The following KIAA1217 variants were observed in gnomAD, a reference collection of about 807,000 sequenced individuals.
KIAA1217 encodes the protein sickle tail protein homolog.
Under a neutral mutation model 163.9 loss-of-function variants are expected in KIAA1217, and 88 were observed. That is an observed-to-expected ratio of 0.54 (90% CI 0.45 to 0.64). KIAA1217 has a LOEUF of 0.64. Among genes scored for constraint, KIAA1217 ranks in the 30% least tolerant of loss-of-function variants. The pLI is 0.00. For missense variants in KIAA1217, 2,372 were observed against 2,475.0 expected (o/e 0.96, Z 0.88); for synonymous variants, 903 against 923.1 (o/e 0.98, Z 0.39).
At chr10:23,717,261 T>G (rs1837626167) in intron 1 of KIAA1217, among the ~76,000 whole-genome samples, 1 of 152,132 alleles carries the variant, frequency 6.6e-6, no homozygotes, top group Non-Finnish European at 1.5e-5. Flanking sequence ...TAGGTTGAAT[T>G]CCGCTTTTAG....
At chr10:24,458,444 A>G (rs749100571) in intron 5 of KIAA1217, among the ~76,000 whole-genome samples, 1 of 152,174 alleles carries the variant, frequency 6.6e-6, no homozygotes, top group South Asian at 2.1e-4. Flanking sequence ...GCAACACTCA[A>G]TACAGATGGA....
chr10:24,103,748 AC>A (rs1424391751), intron 2 of KIAA1217, among the ~76,000 whole-genome samples: 1 of 152,222 alleles, frequency 6.6e-6, no homozygotes, highest in Non-Finnish European at 1.5e-5. Flanking sequence ...CCAAATGCTG[AC>A]AAGGAAATGG....
Position 24,543,529 on chromosome 10 carries a change from A to G in KIAA1217, c.4259A>G (p.Lys1420Arg), listed in dbSNP as rs1191661380. 3.1e-6 allele frequency: 5 copies of G among 1,614,032 alleles called. No homozygotes were observed. The African/African-American group carries it at 6.7e-5, about 22-fold the overall frequency. ...DIQTVNIDAR[K>R]EMTPRQEGTD... ...CAGACGGTTAATATCGATGCCAGAAAAGAGATGACCCCCCGACAAGAAGGG... is the reference window on the plus strand; with the variant it reads ...CAGACGGTTAATATCGATGCCAGAAGAGAGATGACCCCCCGACAAGAAGGG... Residue 1420 changes from lysine to arginine, a missense_variant, in exon 19 of 21, where the codon AAA (lysine) becomes AGA (arginine). Around this residue, in one of 3 missense-constraint regions of KIAA1217, gnomAD observed 690 missense variants for 677.5 expected, o/e 1.02. Transcript: ENST00000376454.
At chr10:23,925,912 C>T (rs12255486) in intron 1 of KIAA1217, among the ~76,000 whole-genome samples, 7,561 of 152,178 alleles carry the variant, frequency 0.05, 603 homozygotes, top group African/African-American at 0.17. Context: ...AAATGGGTGT[C>T]AAAACAGCAC....
intron 1 of KIAA1217, among the ~76,000 whole-genome samples, chr10:23,857,152 G>C (rs943347290): frequency 7.2e-5 from 11 of 152,212 alleles, no homozygotes. Flanking sequence ...CGGCCATCTT[G>C]GCGCTCTCTC....
intron 2 of KIAA1217, among the ~76,000 whole-genome samples, chr10:24,093,806 C>G (rs539490409): frequency 4.0e-4 from 46 of 114,410 alleles, no homozygotes; most frequent in Middle Eastern, 5.6e-3. Flanking sequence ...CCCCCTCCCC[C>G]CACCCCACAA....
chr10:24,488,676 C>T (rs1328971468), intron 6 of KIAA1217, among the ~76,000 whole-genome samples: 1 of 152,168 alleles, frequency 6.6e-6, no homozygotes, highest in Non-Finnish European at 1.5e-5. Context: ...CAAATTCAGA[C>T]AATTTAAATT....
intron 2 of KIAA1217, among the ~76,000 whole-genome samples, chr10:24,055,116 A>G (rs1286834850): frequency 6.6e-6 from 1 of 152,050 alleles, no homozygotes; most frequent in Non-Finnish European, 1.5e-5. Context: ...AAAAGAAAAA[A>G]AATTGCCAGG....
At chr10:23,708,803 CT>C (rs1837051872) in intron 1 of KIAA1217, among the ~76,000 whole-genome samples, 1 of 152,114 alleles carries the variant, frequency 6.6e-6, no homozygotes, top group African/African-American at 2.4e-5. Context: ...GAAGATGACT[CT>C]TCCTAGTTCA....
rs761601784 is a variant in KIAA1217, at chr10:24,545,034, G to C, written c.5265G>C (p.Lys1755Asn). The C allele has an allele frequency of 6.2e-7, 1 of 1,614,088 alleles. No homozygotes were observed. Among genetic ancestry groups the C allele is most frequent in the South Asian group, 1.1e-5 (1 of 91,088 alleles). The change falls in exon 20 of 21, where the codon AAG becomes AAC. Residue 1755 changes from lysine to asparagine, a missense_variant. This residue lies in a region of KIAA1217 where 690 missense variants were observed against 677.5 expected (regional missense o/e 1.02). Transcript: ENST00000376454. ...TSRMPVPMSAKNRPGTLDKPG... is the reference protein window; with the variant it reads ...TSRMPVPMSANNRPGTLDKPG... The stretch of plus-strand genomic sequence containing the variant: ...GGATGCCTGTCCCCATGAGTGCCAA[G>C]AACAGACCCGGAACCCTGGACAAAC...
intron 3 of KIAA1217, among the ~76,000 whole-genome samples, chr10:24,395,260 T>G (rs2130908439): frequency 6.6e-6 from 1 of 152,294 alleles, no homozygotes; most frequent in Non-Finnish European, 1.5e-5. Context: ...CTGAATCACC[T>G]CATCTGCCAC....
chr10:23,796,724 C>G (rs1278360639), intron 1 of KIAA1217, among the ~76,000 whole-genome samples: 3 of 152,036 alleles, frequency 2.0e-5, no homozygotes, highest in African/African-American at 7.2e-5. Flanking sequence ...AGGGTCTGGA[C>G]CTTCAAATTC....
At chr10:24,172,148 T>C (rs1179171811) in intron 2 of KIAA1217, among the ~76,000 whole-genome samples, 1 of 152,156 alleles carries the variant, frequency 6.6e-6, no homozygotes, top group Non-Finnish European at 1.5e-5. Flanking sequence ...AAGAAGATAA[T>C]AAATTTGAAA....
At chr10:24,256,152 G>A (rs374342843) in intron 2 of KIAA1217, among the ~76,000 whole-genome samples, 1 of 152,010 alleles carries the variant, frequency 6.6e-6, no homozygotes, top group Non-Finnish European at 1.5e-5. Flanking sequence ...AGTTGCCTGC[G>A]GGGCTGGTGT....
chr10:23,706,643 T>C (rs1836904357), intron 1 of KIAA1217, among the ~76,000 whole-genome samples: 1 of 152,240 alleles, frequency 6.6e-6, no homozygotes, highest in East Asian at 1.9e-4. Context: ...ACAATCCTTT[T>C]CATATGTTGC....
rs544926708 is a variant in KIAA1217, at chr10:23,996,703, T to A, written c.-320-10522T>A. 1.1e-4 allele frequency among the ~76,000 whole-genome samples: 16 copies of A among 152,336 alleles called. No homozygotes were observed. In the South Asian group the frequency reaches 2.5e-3, roughly 24 times the overall value. On this transcript the variant is annotated intron_variant, in intron 1 of 18. Coordinates refer to the KIAA1217 transcript ENST00000376462. ...TAATCCATTCATGTCTAAATTTATG[T>A]ACAAAATTATAAAATTTTAATATAT...
chr10:23,980,264 C>A (rs1010879000), intron 1 of KIAA1217, among the ~76,000 whole-genome samples: 1 of 152,134 alleles, frequency 6.6e-6, no homozygotes, highest in Non-Finnish European at 1.5e-5. Context: ...GCTGAGTGTG[C>A]TGACAGGTTT....
intron 2 of KIAA1217, among the ~76,000 whole-genome samples, chr10:24,072,885 C>T (rs1384244253): frequency 1.3e-5 from 2 of 151,724 alleles, no homozygotes; most frequent in Non-Finnish European, 2.9e-5. Context: ...CTGGTGAAAC[C>T]CCATCTCTAC....
At chr10:24,000,871 G>C (rs1846710969) in intron 1 of KIAA1217, among the ~76,000 whole-genome samples, 1 of 152,242 alleles carries the variant, frequency 6.6e-6, no homozygotes, top group African/African-American at 2.4e-5. Context: ...GGGCACTGAG[G>C]GCAAGTGAGA....
Sources: gnomAD v4.1 joint callset for allele counts (sites outside exome capture counted in the v4.1 genomes callset) on GRCh38, gnomAD v4.1.1 for gene constraint, gnomAD v4.1.1 regional missense constraint, MANE v1.5 for transcripts, NCBI Gene and HGNC (gene_info 2026-07-23, HGNC 2026-07-21) for gene names.